The following CDC42BPB variants were observed in gnomAD, a reference collection of about 807,000 sequenced individuals.
CDC42BPB encodes CDC42 binding protein kinase beta.
Under a neutral mutation model 214.9 loss-of-function variants are expected in CDC42BPB, and 37 were observed. The observed-to-expected ratio is 0.17, with a 90% CI of 0.13 to 0.23. The LOEUF is 0.23. Among genes scored for constraint, CDC42BPB ranks in the 10% least tolerant of loss-of-function variants. CDC42BPB has a pLI of 1.00. For synonymous variants in CDC42BPB, 931 were observed against 884.0 expected (o/e 1.05, Z -0.94); for missense variants, 1,694 against 2,227.0 (o/e 0.76, Z 4.82).
At chr14:103,041,013 C>T (rs149398390) in intron 1 of CDC42BPB, among the ~76,000 whole-genome samples, 2 of 152,212 alleles carry the variant, frequency 1.3e-5, no homozygotes, top group African/African-American at 4.8e-5. Context: ...CTCATACTTC[C>T]TAATTTGAAA....
chr14:103,007,147 C>A (rs1885876346), intron 3 of CDC42BPB, among the ~76,000 whole-genome samples: 1 of 152,098 alleles, frequency 6.6e-6, no homozygotes, highest in South Asian at 2.1e-4. Flanking sequence ...ACCCAGGGGG[C>A]CGAAGCAATC....
At position 102,971,961 on chromosome 14, in the gene CDC42BPB, G is replaced by A. The variant is rs1034926312; in HGVS notation, c.1842C>T (p.Ala614=). Residue 614 remains alanine, a synonymous_variant, in exon 13 of 37, where the codon GCC becomes GCT. Transcript: ENST00000361246. ...CAGCTCTCCGCATTTCCTGCCGCAT[G>A]GCGTCCACCTTCTGCGTGGCCACCT... ...EMEVATQKVD[A]MRQEMRRAEK... is the part of the protein sequence containing the mutation. 4.3e-6 allele frequency: 7 copies of A among 1,614,124 alleles called. No individual in the cohort carries two copies. The highest frequency in any genetic ancestry group is 5.9e-6 in the Non-Finnish European group (7 of 1,180,056).
chr14:102,983,627 T>A lies in CDC42BPB; in HGVS notation c.820A>T (p.Met274Leu). Residue 274 changes from methionine to leucine, a missense_variant, in exon 7 of 37, where the codon ATG (methionine) becomes TTG (leucine). Physicochemically the swap from Met to Leu is conservative, Grantham distance 15. This residue lies in a region of CDC42BPB where 225 missense variants were observed against 459.3 expected (regional missense o/e 0.49). Transcript: ENST00000361246. ...TAAAACGGCGTTTCTCCATAGAGCA[T>A]CTCATACATGCAGACACCCAGAGAC... ...WWSLGVCMYE[M>L]LYGETPFYAE... The A allele has an allele frequency of 6.2e-7, 1 of 1,613,344 alleles. No individual in the cohort carries two copies. The highest frequency in any genetic ancestry group is 8.5e-7 in the Non-Finnish European group (1 of 1,179,994).
chr14:103,057,156 C>G lies in CDC42BPB; in HGVS notation c.18G>C (p.Arg6=), dbSNP rs1237619926. 14 of 1,483,832 alleles carry G rather than the reference C, an allele frequency of 9.4e-6. No individual in the cohort carries two copies. The highest frequency in any genetic ancestry group is 1.1e-5 in the Non-Finnish European group (12 of 1,121,646). 91.9% of individuals were successfully genotyped at this position (1,483,832 alleles called of 1,614,324 possible). Residue 6 remains arginine, a synonymous_variant, in exon 1 of 37, where the codon CGG becomes CGC. Transcript: ENST00000361246. MSAKV[R]LKKLEQLLLD... ...GGAGCAGCTGCTCCAGCTTCTTGAGCCGCACCTTGGCCGACATGGTGCCGC... is the reference window on the plus strand; with the variant it reads ...GGAGCAGCTGCTCCAGCTTCTTGAGGCGCACCTTGGCCGACATGGTGCCGC...
chr14:102,958,459 C>T (rs889567302), intron 21 of CDC42BPB, among the ~76,000 whole-genome samples: 10 of 152,172 alleles, frequency 6.6e-5, no homozygotes, highest in African/African-American at 2.4e-4. Context: ...GAACCACCTT[C>T]CCCACCCTGC....
At chr14:102,999,818 G>C in intron 4 of CDC42BPB, 105 bp from the exon 5 acceptor site, 1 of 1,519,050 alleles carries the variant, frequency 6.6e-7, no homozygotes, top group Non-Finnish European at 8.8e-7. Flanking sequence ...CTCCAGGTCT[G>C]GCTCGTGGCA....
At chr14:102,973,033 C>CGGG (rs1361237020) in intron 12 of CDC42BPB, among the ~76,000 whole-genome samples, 1 of 152,220 alleles carries the variant, frequency 6.6e-6, no homozygotes, top group African/African-American at 2.4e-5. Context: ...TGACCCTGAC[C>CGGG]TCCCTGCAGC....
In CDC42BPB at chr14:102,943,771, C is replaced by T. The variant is rs1040427082; in HGVS notation, c.4408+120G>A. On this transcript the variant is annotated intron_variant, in intron 30 of 36. Coordinates refer to ENST00000361246, the MANE Select transcript of CDC42BPB (RefSeq NM_006035.4). The surrounding 1 kb of genome is among the most constrained non-coding windows in gnomAD (Gnocchi z 4.6). ...GGGCTGGCATGGGGCCCACCTCTCC[C>T]GATGCTCTGTGACTACTCAACTAAG... The T allele has an allele frequency of 1.3e-5, 11 of 877,280 alleles. No homozygotes were observed. The highest frequency in any genetic ancestry group is 1.7e-5 in the Non-Finnish European group (10 of 577,474). The allele number at this position is 877,280 out of a possible 1,614,324, so 54.3% of individuals were successfully genotyped here. A position where few individuals can be genotyped will look rare whatever the true frequency, so the allele number is the denominator to read the frequency against.
At chr14:103,027,990 C>T (rs920783343) in intron 1 of CDC42BPB, among the ~76,000 whole-genome samples, 3 of 152,116 alleles carry the variant, frequency 2.0e-5, no homozygotes, top group Non-Finnish European at 2.9e-5. Context: ...ATTAGCCAGG[C>T]GTGGTGGTGC....
chr14:102,999,942 G>C (rs1894904515), intron 4 of CDC42BPB: 6 of 979,642 alleles, frequency 6.1e-6, no homozygotes, highest in Non-Finnish European at 7.3e-6. Flanking sequence ...TTCAGTAAGT[G>C]ATGTATTTAA....
At chr14:102,954,541 G>A in intron 22 of CDC42BPB, 61 bp downstream of exon 22, 2 of 1,494,172 alleles carry the variant, frequency 1.3e-6, no homozygotes, top group Non-Finnish European at 1.8e-6. Flanking sequence ...AGCAGCATCT[G>A]GTCACCTGGA....
chr14:102,939,819 C>T lies in CDC42BPB; in HGVS notation c.4709+11G>A. 4 of 1,614,038 alleles carry T rather than the reference C, an allele frequency of 2.5e-6. No homozygotes were observed. The highest frequency in any genetic ancestry group is 2.5e-6 in the Non-Finnish European group (3 of 1,180,032). ...CGAGGCCCAGCAGGCCCCGTGAGGCCCCGCTCCTACCGCCTCTGCTGCAGT... is the reference window on the plus strand; with the variant it reads ...CGAGGCCCAGCAGGCCCCGTGAGGCTCCGCTCCTACCGCCTCTGCTGCAGT... On this transcript the variant is annotated intron_variant, in intron 33 of 36. Coordinates refer to ENST00000361246, the MANE Select transcript of CDC42BPB (RefSeq NM_006035.4).
Position 103,012,105 on chromosome 14 carries a change from A to C in CDC42BPB, c.259T>G (p.Phe87Val). The C allele has an allele frequency of 6.2e-7, 1 of 1,610,644 alleles. No individual in the cohort carries two copies. The highest frequency in any genetic ancestry group is 1.1e-5 in the South Asian group (1 of 90,780). The change falls in exon 2 of 37, where the codon TTT (phenylalanine) becomes GTT (valine). Residue 87 changes from phenylalanine (F) to valine (V), a missense_variant. Physicochemically the swap from Phe to Val is conservative, Grantham distance 50 (BLOSUM62 -1). Around this residue, in one of 7 missense-constraint regions of CDC42BPB, gnomAD observed 225 missense variants for 459.3 expected, o/e 0.49. Coordinates refer to ENST00000361246, the MANE Select transcript of CDC42BPB (RefSeq NM_006035.4). ...AATGAAGTTTATCTTACCTCACCAAAAGCACCTCTTCCAATTACTTTAATT... is the reference window on the plus strand; with the variant it reads ...AATGAAGTTTATCTTACCTCACCAACAGCACCTCTTCCAATTACTTTAATT... ...EIIKVIGRGA[F>V]GEVAVVKMKN... is the part of the protein sequence containing the mutation.
intron 26 of CDC42BPB, among the ~76,000 whole-genome samples, chr14:102,949,356 G>A (rs1443093547): frequency 1.3e-5 from 2 of 152,076 alleles, no homozygotes; most frequent in South Asian, 2.1e-4. Context: ...CATGGCCCAC[G>A]GCTCCAGACT....
chr14:102,989,143 C>A (rs1381915519), intron 5 of CDC42BPB, among the ~76,000 whole-genome samples: 1 of 152,046 alleles, frequency 6.6e-6, no homozygotes, highest in Non-Finnish European at 1.5e-5. Context: ...TACACACACA[C>A]AAAAATACAA....
chr14:103,003,808 G>T, intron 4 of CDC42BPB, 120 bp downstream of exon 4: 2 of 662,150 alleles, frequency 3.0e-6, no homozygotes, highest in Non-Finnish European at 4.8e-6. Context: ...CCGTTTTATC[G>T]AGTCCAATAC....
rs754386520 is a variant in CDC42BPB, at chr14:102,947,684, A to C, written c.3531+37T>G. 8 of 1,528,820 alleles carry C rather than the reference A, an allele frequency of 5.2e-6. No individual in the cohort carries two copies. In the African/African-American group the frequency reaches 6.8e-5, roughly 13 times the overall value. 94.7% of individuals were successfully genotyped at this position (1,528,820 alleles called of 1,614,324 possible). Reference sequence around the variant, plus strand: ...ATGCCTAGAACAATCAGTTTTAACCATGTGCTTTGTTAAAAAGATTAATGA... The same window carrying C: ...ATGCCTAGAACAATCAGTTTTAACCCTGTGCTTTGTTAAAAAGATTAATGA... On this transcript the variant is annotated intron_variant, in intron 27 of 36. Transcript: ENST00000361246.
chr14:103,026,566 GC>G (rs1416625065), intron 1 of CDC42BPB, among the ~76,000 whole-genome samples: 2 of 151,596 alleles, frequency 1.3e-5, no homozygotes, highest in Non-Finnish European at 2.9e-5. Flanking sequence ...TTCAAAAGAA[GC>G]CATTAAGAAA....
At chr14:102,955,051 A>C (rs766262281) in intron 21 of CDC42BPB, among the ~76,000 whole-genome samples, 54 of 152,230 alleles carry the variant, frequency 3.5e-4, no homozygotes, top group Non-Finnish European at 1.0e-4. Context: ...CCGGTCACTG[A>C]AAGGGCAAGA....
Sources: allele counts gnomAD v4.1 joint callset (sites outside exome capture counted in the v4.1 genomes callset), GRCh38; gene constraint gnomAD v4.1.1; regional missense constraint gnomAD v4.1.1; non-coding constraint Gnocchi (gnomAD v3.1); transcripts MANE v1.5; gene names NCBI Gene and HGNC (gene_info 2026-07-23, HGNC 2026-07-21).